The following BOD1L1 variants were observed in gnomAD, a reference collection of about 807,000 sequenced individuals.
BOD1L1 encodes the protein biorientation of chromosomes in cell division protein 1-like 1.
Under a neutral mutation model 240.7 loss-of-function variants are expected in BOD1L1, and 86 were observed. The observed-to-expected ratio is 0.36, with a 90% CI of 0.30 to 0.43. BOD1L1 has a LOEUF of 0.43. Among genes scored for constraint, BOD1L1 ranks in the 20% least tolerant of loss-of-function variants. The probability of loss-of-function intolerance (pLI) is 1.00; values close to 1 mark genes in which losing one functional copy is unlikely to be tolerated. For missense variants in BOD1L1, 3,554 were observed against 3,643.5 expected, an observed-to-expected ratio of 0.98 and a Z score of 0.63; for synonymous variants, 1,268 against 1,272.3, an observed-to-expected ratio of 1.00 and a Z score of 0.07.
At chr4:13,581,347 G>T in intron 19 of BOD1L1, 140 bp from the exon 20 acceptor site, 1 of 608,660 alleles carries the variant, frequency 1.6e-6, no homozygotes. Context: ...AAAAATATGT[G>T]ATGTAGGGCT....
At chr4:13,577,667 A>C (rs777912752) in intron 22 of BOD1L1, 36 bp from the exon 23 acceptor site, 1 of 1,449,246 alleles carries the variant, frequency 6.9e-7, no homozygotes, top group Non-Finnish European at 9.4e-7. Context: ...TTAATATTTT[A>C]TTACTGTAAA....
Position 13,600,141 on chromosome 4 carries a change from A to G in BOD1L1, c.6759T>C (p.Ser2253=), listed in dbSNP as rs200826734. 3.2e-5 allele frequency: 51 copies of G among 1,613,532 alleles called. No homozygotes were observed. Among genetic ancestry groups the G allele is most frequent in the Middle Eastern group, 1.6e-4 (1 of 6,062 alleles). The change falls in exon 10 of 26, where the codon AGT becomes AGC. Residue 2253 remains serine (S), a synonymous_variant. Coordinates refer to ENST00000040738, the MANE Select transcript of BOD1L1 (RefSeq NM_148894.3). ...CCACCGAGCTCGTAGAGATGATGCC[A>G]CTCCCGTCTTTTTCTTCCATGACTG... ...AGTVMEEKDG[S]GIISTSSVED...
intron 9 of BOD1L1, 46 bp downstream of exon 9, chr4:13,607,071 A>C (rs1240828853): frequency 1.6e-6 from 2 of 1,264,446 alleles, no homozygotes; most frequent in Non-Finnish European, 2.2e-6. Context: ...TAAACAGCCT[A>C]TATCTAACAA....
intron 25 of BOD1L1, among the ~76,000 whole-genome samples, chr4:13,572,318 G>A (rs1237377896): frequency 6.6e-6 from 1 of 152,232 alleles, no homozygotes; most frequent in African/African-American, 2.4e-5. Flanking sequence ...AGTGAAAGGT[G>A]TAAGCTGGCA....
At chr4:13,578,532 G>A (rs1712964314) in intron 22 of BOD1L1, among the ~76,000 whole-genome samples, 1 of 152,130 alleles carries the variant, frequency 6.6e-6, no homozygotes, top group East Asian at 1.9e-4. Context: ...TTTTGAATAA[G>A]GATATATAAC....
rs190760441 is a variant in BOD1L1, at chr4:13,578,877, A to G, written c.8749+1051T>C. Among the ~76,000 whole-genome samples the G allele has an allele frequency of 7.0e-4, 107 of 152,366 alleles. 3 individuals are homozygous for G. In the South Asian group the frequency reaches 0.019, roughly 27 times the overall value. ...AATACATCATGGTAGCTAAAAAAGTACATTTTATGACCTGTTTGTAGGGTG... is the reference window on the plus strand; with the variant it reads ...AATACATCATGGTAGCTAAAAAAGTGCATTTTATGACCTGTTTGTAGGGTG... On this transcript the variant is annotated intron_variant, in intron 22 of 25. Transcript: ENST00000040738.
At chr4:13,586,621 T>C (rs1003535092) in intron 16 of BOD1L1, 146 bp from the exon 17 acceptor site, 3 of 492,748 alleles carry the variant, frequency 6.1e-6, no homozygotes, top group Non-Finnish European at 1.1e-5. Flanking sequence ...TATAATATCA[T>C]GTGATTTGAG....
intron 1 of BOD1L1, among the ~76,000 whole-genome samples, chr4:13,622,982 T>A (rs1055973377): frequency 9.9e-5 from 15 of 152,176 alleles, no homozygotes; most frequent in Admixed American, 2.6e-4. Flanking sequence ...CTGTCTCAGC[T>A]CTTCTATACT....
intron 1 of BOD1L1, among the ~76,000 whole-genome samples, chr4:13,626,781 TC>T (rs1717425602): frequency 6.6e-6 from 1 of 152,164 alleles, no homozygotes; most frequent in South Asian, 2.1e-4. Flanking sequence ...TCCTGTCCCT[TC>T]TTACCTTAGA....
Position 13,604,283 on chromosome 4 carries a change from C to G in BOD1L1, c.2617G>C (p.Glu873Gln). 6.2e-7 allele frequency: 1 copy of G among 1,607,324 alleles called. No individual in the cohort carries two copies. The highest frequency in any genetic ancestry group is 8.5e-7 in the Non-Finnish European group (1 of 1,178,362). ...TLQRRSESYS[E>Q]DKCDMDSTNM... ...GTGGAGTCCATATCACACTTATCTTCCGAATAACTTTCACTTCTTCTCTGT... is the reference window on the plus strand; with the variant it reads ...GTGGAGTCCATATCACACTTATCTTGCGAATAACTTTCACTTCTTCTCTGT... Residue 873 changes from glutamate (E) to glutamine (Q), a missense_variant, in exon 10 of 26, where the codon GAA becomes CAA. By Grantham distance (29) the Glu-to-Gln change is conservative. Around this residue, in one of 2 missense-constraint regions of BOD1L1, gnomAD observed 3,393 missense variants for 3,427.1 expected, o/e 0.99. Transcript: ENST00000040738.
At chr4:13,626,739 CACTGAATG>C (rs1717423228) in intron 1 of BOD1L1, among the ~76,000 whole-genome samples, 2 of 152,238 alleles carry the variant, frequency 1.3e-5, no homozygotes, top group Non-Finnish European at 1.5e-5. Context: ...ATCTTTTCTC[CACTGAATG>C]ACTCGGTTCT....
rs146585528 is a variant in BOD1L1, at chr4:13,594,913, TAAAACAAAACAA to T, written c.8104+935_8104+946del. On this transcript the variant is annotated intron_variant, in intron 12 of 25. Transcript: ENST00000040738. ...CCATCTCAAACAAAACAAAACAAAATAAAACAAAACAAAAAACAAAAACCCAACCGTCTATCT... is the reference window on the plus strand; with the variant it reads ...CCATCTCAAACAAAACAAAACAAAATAAAACAAAAACCCAACCGTCTATCT... 6.6e-3 allele frequency among the ~76,000 whole-genome samples: 1,007 copies of T among 151,896 alleles called. 10 individuals carry two copies. The highest frequency in any genetic ancestry group is 0.023 in the African/African-American group (963 of 41,400).
At chr4:13,617,128 C>G (rs1342777331) in intron 2 of BOD1L1, among the ~76,000 whole-genome samples, 2 of 151,626 alleles carry the variant, frequency 1.3e-5, no homozygotes, top group South Asian at 4.2e-4. Context: ...GCCTGTAATC[C>G]CAGCTACTTG....
At chr4:13,579,314 C>T (rs751301283) in intron 22 of BOD1L1, among the ~76,000 whole-genome samples, 1 of 152,174 alleles carries the variant, frequency 6.6e-6, no homozygotes, top group Non-Finnish European at 1.5e-5. Flanking sequence ...CGTGCATAAT[C>T]TCCTTCCTCT....
chr4:13,621,317 T>A (rs1250392556), intron 1 of BOD1L1, among the ~76,000 whole-genome samples: 2 of 152,350 alleles, frequency 1.3e-5, no homozygotes, highest in East Asian at 3.9e-4. Flanking sequence ...AAGCACTGTA[T>A]AGCCTCACCT....
chr4:13,573,202 T>C, intron 25 of BOD1L1, among the ~76,000 whole-genome samples: 1 of 152,122 alleles, frequency 6.6e-6, no homozygotes, highest in Admixed American at 6.5e-5. Context: ...CAAGGCTAAG[T>C]GTTAAGGCCC....
Position 13,604,199 on chromosome 4 carries a change from T to C in BOD1L1, c.2701A>G (p.Lys901Glu), listed in dbSNP as rs773502775. 2 of 1,613,618 alleles carry C rather than the reference T, an allele frequency of 1.2e-6. No homozygotes were observed. The highest frequency in any genetic ancestry group is 4.5e-5 in the East Asian group (2 of 44,864). ...EVVHKEKRRT[K>E]SLLEEKLVLK... ...ACAAGTTTCTCTTCTAACAAGCTCT[T>C]TGTTCGTCGTTTCTCCTTGTGAACA... The change falls in exon 10 of 26, where the codon AAG (lysine) becomes GAG (glutamate). Residue 901 changes from lysine to glutamate, a missense_variant. By Grantham distance (56) the Lys-to-Glu change is moderately conservative. This residue lies in a region of BOD1L1 where 3,393 missense variants were observed against 3,427.1 expected (regional missense o/e 0.99). Transcript: ENST00000040738.
At chr4:13,583,704 T>C (rs1713416474) in intron 17 of BOD1L1, among the ~76,000 whole-genome samples, 1 of 152,216 alleles carries the variant, frequency 6.6e-6, no homozygotes, top group African/African-American at 2.4e-5. Flanking sequence ...AGCTCAGCCA[T>C]TTCTCTTATT....
chr4:13,619,501 G>A (rs1716884271), intron 2 of BOD1L1, among the ~76,000 whole-genome samples: 1 of 151,946 alleles, frequency 6.6e-6, no homozygotes, highest in Non-Finnish European at 1.5e-5. Context: ...GCAAAAGACG[G>A]GGGCACTGTA....
Sources: gnomAD v4.1 joint callset for allele counts (sites outside exome capture counted in the v4.1 genomes callset) on GRCh38, gnomAD v4.1.1 for gene constraint, gnomAD v4.1.1 regional missense constraint, MANE v1.5 for transcripts, NCBI Gene and HGNC (gene_info 2026-07-23, HGNC 2026-07-21) for gene names.